The following MICAL2 variants were observed in gnomAD, a reference collection of about 807,000 sequenced individuals.
MICAL2 encodes [F-actin]-monooxygenase MICAL2.
In MICAL2, 77 loss-of-function variants were observed where a neutral mutation model predicts 127.3. The ratio of observed to expected loss-of-function variants is 0.60; its 90% CI spans 0.50 to 0.73. The LOEUF is 0.73. Among genes scored for constraint, MICAL2 ranks in the 30% least tolerant of loss-of-function variants. MICAL2 has a pLI of 0.00. For missense variants in MICAL2, 1,351 were observed against 1,434.4 expected, an observed-to-expected ratio of 0.94 and a Z score of 0.94; for synonymous variants, 570 against 551.1, an observed-to-expected ratio of 1.03 and a Z score of -0.48.
chr11:12,123,046 T>G (rs1318718692), intron 1 of MICAL2, among the ~76,000 whole-genome samples: 1 of 147,700 alleles, frequency 6.8e-6, no homozygotes, highest in African/African-American at 2.7e-5. Flanking sequence ...CAGAAATTGT[T>G]TTTTTTTAAT....
intron 7 of MICAL2, 47 bp from the exon 8 acceptor site, chr11:12,216,172 T>C (rs781720535): frequency 2.2e-6 from 3 of 1,379,426 alleles, no homozygotes; most frequent in Non-Finnish European, 3.1e-6. Context: ...GGCACACAGT[T>C]GGTGCCGAGG....
chr11:12,160,759 T>C (rs1463590618), intron 2 of MICAL2, among the ~76,000 whole-genome samples: 3 of 152,384 alleles, frequency 2.0e-5, no homozygotes, highest in Middle Eastern at 3.4e-3. Context: ...CACTTGCCTG[T>C]GGTCTTGTAA....
Position 12,242,773 on chromosome 11 carries a change from G to A in MICAL2, c.2658+1G>A. ...GTTTGGACACGGGGATTTCCCGCAG[G>A]TAAACATGGGGCTTTCAGAGCCCCC... On this transcript the variant is annotated splice_donor_variant, in intron 20 of 27. Coordinates refer to ENST00000683283, the MANE Select transcript of MICAL2 (RefSeq NM_001282663.2). LOFTEE classifies it high-confidence loss of function. 6.2e-7 allele frequency: 1 copy of A among 1,601,420 alleles called. No homozygotes were observed. The highest frequency in any genetic ancestry group is 1.1e-5 in the South Asian group (1 of 89,188).
chr11:12,125,463 C>G (rs1850840826), intron 1 of MICAL2, among the ~76,000 whole-genome samples: 1 of 152,162 alleles, frequency 6.6e-6, no homozygotes, highest in Non-Finnish European at 1.5e-5. Flanking sequence ...ACCATGTTAG[C>G]CAGGATAGTC....
chr11:12,187,241 C>T (rs1858421790), intron 3 of MICAL2, among the ~76,000 whole-genome samples: 6 of 152,162 alleles, frequency 3.9e-5, no homozygotes, highest in Admixed American at 2.6e-4. Flanking sequence ...TTTTATGTTT[C>T]TTGTTCCTTA....
intron 2 of MICAL2, among the ~76,000 whole-genome samples, chr11:12,139,245 A>C (rs549387989): frequency 6.6e-6 from 1 of 152,290 alleles, no homozygotes; most frequent in East Asian, 1.9e-4. Flanking sequence ...TGTATTCAGC[A>C]ATCAGAGAAC....
intron 2 of MICAL2, chr11:12,281,249 C>T (rs2279610): frequency 1.2e-4 from 49 of 396,024 alleles, no homozygotes; most frequent in Non-Finnish European, 2.0e-4. Flanking sequence ...GGGAGTGGGA[C>T]GCAAGTGGCA....
At chr11:12,269,254 G>A (rs1313956803) in intron 24 of MICAL2, among the ~76,000 whole-genome samples, 2 of 152,136 alleles carry the variant, frequency 1.3e-5, no homozygotes. Context: ...GTTGCTGCTG[G>A]GCTGCCTTCC....
chr11:12,217,771 C>T (rs749786245), intron 8 of MICAL2, among the ~76,000 whole-genome samples: 1 of 152,152 alleles, frequency 6.6e-6, no homozygotes, highest in African/African-American at 2.4e-5. Flanking sequence ...TGCTTGTCTT[C>T]ACCAAGGCCT....
At chr11:12,215,842 G>A (rs965703843) in intron 7 of MICAL2, among the ~76,000 whole-genome samples, 1 of 152,226 alleles carries the variant, frequency 6.6e-6, no homozygotes, top group African/African-American at 2.4e-5. Context: ...GGAGGGCACA[G>A]TGGACAGGAC....
At chr11:12,216,805 C>T (rs1419171280) in intron 8 of MICAL2, among the ~76,000 whole-genome samples, 1 of 152,200 alleles carries the variant, frequency 6.6e-6, no homozygotes, top group Non-Finnish European at 1.5e-5. Context: ...AGACTGTGGG[C>T]AAACTGTGTA....
chr11:12,345,377 C>T (rs1385219916), intron 32 of MICAL2, among the ~76,000 whole-genome samples: 1 of 152,166 alleles, frequency 6.6e-6, no homozygotes, highest in Non-Finnish European at 1.5e-5. Flanking sequence ...CTGGATGACA[C>T]CAGTTTGGTG....
chr11:12,223,034 C>T (rs1381799282), intron 11 of MICAL2, among the ~76,000 whole-genome samples: 1 of 152,190 alleles, frequency 6.6e-6, no homozygotes, highest in Non-Finnish European at 1.5e-5. Flanking sequence ...CTCAAATAAG[C>T]TACTTGGCCA....
downstream of MICAL2, among the ~76,000 whole-genome samples, chr11:12,266,688 C>T (rs1194271109): frequency 6.6e-6 from 1 of 152,214 alleles, no homozygotes; most frequent in Non-Finnish European, 1.5e-5. Flanking sequence ...GGGACTGAGT[C>T]CCACAGCCCA....
In MICAL2 at chr11:12,213,425, T is replaced by G. The variant is rs750051861; in HGVS notation, c.847+15T>G. 2.0e-5 allele frequency: 33 copies of G among 1,609,822 alleles called. No homozygotes were observed. The South Asian group carries it at 3.3e-4, about 16-fold the overall frequency. ...AGAAGAAACAGGTGGGACCTTCACCTTTCTCCCAACCAGGCCAAGGTCTAA... is the reference window on the plus strand; with the variant it reads ...AGAAGAAACAGGTGGGACCTTCACCGTTCTCCCAACCAGGCCAAGGTCTAA... On this transcript the variant is annotated intron_variant, in intron 7 of 27. Coordinates refer to ENST00000683283, the MANE Select transcript of MICAL2 (RefSeq NM_001282663.2).
chr11:12,188,927 A>G (rs1468090911), intron 3 of MICAL2, among the ~76,000 whole-genome samples: 1 of 152,216 alleles, frequency 6.6e-6, no homozygotes, highest in Non-Finnish European at 1.5e-5. Context: ...ATTTCTACAC[A>G]TCTTTTAGAT....
At chr11:12,337,131 G>T (rs1188132586) in intron 32 of MICAL2, among the ~76,000 whole-genome samples, 2 of 152,194 alleles carry the variant, frequency 1.3e-5, no homozygotes, top group South Asian at 2.1e-4. Context: ...CAATTTCAGA[G>T]CCTGTTATTG....
At chr11:12,249,375 A>G (rs1230687928) in intron 22 of MICAL2, 129 bp downstream of exon 22, 12 of 629,212 alleles carry the variant, frequency 1.9e-5, no homozygotes, top group Non-Finnish European at 3.5e-5. Context: ...CAGGGGACGA[A>G]GGTGGGCAGA....
At chr11:12,291,702 A>G (rs1261776694), downstream of MICAL2, among the ~76,000 whole-genome samples, 2 of 152,202 alleles carry the variant, frequency 1.3e-5, no homozygotes, top group African/African-American at 2.4e-5. Flanking sequence ...TTAGTCGTGG[A>G]TGTCTATCCT....
Sources: allele counts gnomAD v4.1 joint callset (sites outside exome capture counted in the v4.1 genomes callset), GRCh38; gene constraint gnomAD v4.1.1; transcripts MANE v1.5; gene names NCBI Gene and HGNC (gene_info 2026-07-23, HGNC 2026-07-21).